Variants in SLC15A5 observed in about 807,000 individuals in gnomAD.
The protein encoded by SLC15A5 is Peptide/histidine transporter ENSP00000340402.
A neutral mutation model predicts 56.1 loss-of-function variants in SLC15A5; 58 were observed. That is an observed-to-expected ratio of 1.03 (90% CI 0.84 to 1.29). The LOEUF is 1.29. Ranked by LOEUF, SLC15A5 falls within the 50% of genes most tolerant of loss-of-function variation. The probability of loss-of-function intolerance (pLI) is 0.00; values close to 1 mark genes in which losing one functional copy is unlikely to be tolerated. For synonymous variants in SLC15A5, 264 were observed against 250.5 expected, an observed-to-expected ratio of 1.05 and a Z score of -0.51; for missense variants, 681 against 672.1, an observed-to-expected ratio of 1.01 and a Z score of -0.15.
At chr12:16,203,456 G>C (rs1863982917) in intron 7 of SLC15A5, among the ~76,000 whole-genome samples, 1 of 151,914 alleles carries the variant, frequency 6.6e-6, no homozygotes, top group Admixed American at 6.6e-5. Flanking sequence ...CCTAATGATA[G>C]GTCCAGTTTC....
At chr12:16,261,181 C>T (rs1185549158) in intron 2 of SLC15A5, among the ~76,000 whole-genome samples, 1 of 152,074 alleles carries the variant, frequency 6.6e-6, no homozygotes, top group East Asian at 1.9e-4. Flanking sequence ...AGATAACAAA[C>T]ATATCCATTG....
chr12:16,230,260 G>T (rs148721048), intron 5 of SLC15A5, among the ~76,000 whole-genome samples: 43 of 152,318 alleles, frequency 2.8e-4, no homozygotes, highest in African/African-American at 1.0e-3. Context: ...AGAGAGGCTA[G>T]TCACTTGGTG....
chr12:16,230,824 G>A (rs950072187), intron 5 of SLC15A5, among the ~76,000 whole-genome samples: 1 of 151,110 alleles, frequency 6.6e-6, no homozygotes, highest in Non-Finnish European at 1.5e-5. Context: ...TCGGGAGGCT[G>A]AGGCAAGAGA....
intron 5 of SLC15A5, among the ~76,000 whole-genome samples, chr12:16,228,345 TA>T (rs1265535668): frequency 6.6e-6 from 1 of 152,182 alleles, no homozygotes; most frequent in East Asian, 1.9e-4. Flanking sequence ...GACAATGAAG[TA>T]AAAGTGCTGA....
chr12:16,256,661 C>T (rs1864575790), intron 3 of SLC15A5, among the ~76,000 whole-genome samples: 2 of 152,194 alleles, frequency 1.3e-5, no homozygotes, highest in African/African-American at 4.8e-5. Context: ...AGATCGAGAC[C>T]ATCCTGGCTA....
intron 1 of SLC15A5, 111 bp downstream of exon 1, chr12:16,277,214 A>G: frequency 1.8e-6 from 2 of 1,096,796 alleles, no homozygotes; most frequent in Admixed American, 3.0e-5. Context: ...TTCTTACTTC[A>G]TTTATCACAT....
At chr12:16,256,630 C>T (rs1373423815) in intron 3 of SLC15A5, among the ~76,000 whole-genome samples, 1 of 152,046 alleles carries the variant, frequency 6.6e-6, no homozygotes, top group Admixed American at 6.6e-5. Context: ...GAGGCTGAGG[C>T]GGACAGATCA....
intron 4 of SLC15A5, among the ~76,000 whole-genome samples, chr12:16,240,190 C>A (rs1440027797): frequency 6.6e-6 from 1 of 152,278 alleles, no homozygotes; most frequent in South Asian, 2.1e-4. Flanking sequence ...AACTTAAATT[C>A]TGTAGATAAG....
In SLC15A5 at chr12:16,219,838, C is replaced by G. The variant is rs76421711; in HGVS notation, c.1352-2814G>C. On this transcript the variant is annotated intron_variant, in intron 6 of 8. Coordinates refer to ENST00000344941, the MANE Select transcript of SLC15A5 (RefSeq NM_001170798.1). ...TAAGTCTGTCACTATTGTAAAGTTC[C>G]CGTTTTTCTATGAAGACACAATAAA... Among the ~76,000 whole-genome samples, 55 of 152,000 alleles carry G rather than the reference C, an allele frequency of 3.6e-4. No individual in the cohort carries two copies. In the East Asian group the frequency reaches 0.01, roughly 29 times the overall value.
intron 7 of SLC15A5, among the ~76,000 whole-genome samples, chr12:16,201,611 A>G (rs1342334581): frequency 6.6e-6 from 1 of 152,074 alleles, no homozygotes; most frequent in East Asian, 1.9e-4. Context: ...TTCTCATGAT[A>G]GTGAGTGAGT....
chr12:16,236,920 A>G (rs1246238770), intron 5 of SLC15A5, among the ~76,000 whole-genome samples: 2 of 152,226 alleles, frequency 1.3e-5, no homozygotes, highest in Non-Finnish European at 2.9e-5. Context: ...TAATAGTAAT[A>G]ATGATAAAGT....
At chr12:16,246,288 T>C (rs1237718635) in intron 3 of SLC15A5, among the ~76,000 whole-genome samples, 1 of 152,166 alleles carries the variant, frequency 6.6e-6, no homozygotes, top group Non-Finnish European at 1.5e-5. Flanking sequence ...GAGGCCAAGA[T>C]TTGTTTCTCT....
chr12:16,259,519 G>A (rs1864618062), intron 2 of SLC15A5, among the ~76,000 whole-genome samples: 2 of 152,110 alleles, frequency 1.3e-5, no homozygotes, highest in Non-Finnish European at 2.9e-5. Flanking sequence ...AATATTGAAG[G>A]TTTGAGAAGA....
intron 2 of SLC15A5, among the ~76,000 whole-genome samples, chr12:16,261,022 G>A (rs1213782319): frequency 1.3e-5 from 2 of 151,486 alleles, no homozygotes; most frequent in African/African-American, 4.9e-5. Context: ...ATACCATACT[G>A]TCTTGGTTAC....
chr12:16,263,279 T>A (rs1864660414), intron 2 of SLC15A5, among the ~76,000 whole-genome samples: 1 of 152,118 alleles, frequency 6.6e-6, no homozygotes, highest in Non-Finnish European at 1.5e-5. Flanking sequence ...TCTTGTTATG[T>A]TTTAGCAGAG....
At chr12:16,205,608 CACAT>C (rs1864011278) in intron 7 of SLC15A5, among the ~76,000 whole-genome samples, 2 of 124,870 alleles carry the variant, frequency 1.6e-5, no homozygotes, top group Non-Finnish European at 3.4e-5. Context: ...CACACACACA[CACAT>C]ATATATACAC....
chr12:16,247,536 G>C (rs1864474113), intron 3 of SLC15A5, among the ~76,000 whole-genome samples: 1 of 152,144 alleles, frequency 6.6e-6, no homozygotes, highest in Non-Finnish European at 1.5e-5. Context: ...AACACAGTGG[G>C]CTGTTATGAT....
At chr12:16,231,824 C>A (rs956990685) in intron 5 of SLC15A5, among the ~76,000 whole-genome samples, 5 of 152,202 alleles carry the variant, frequency 3.3e-5, no homozygotes, top group Admixed American at 6.5e-5. Flanking sequence ...CACAGCCACA[C>A]CTCACCTTCA....
At chr12:16,199,564 G>A (rs1863932073) in intron 7 of SLC15A5, among the ~76,000 whole-genome samples, 1 of 152,064 alleles carries the variant, frequency 6.6e-6, no homozygotes, top group Non-Finnish European at 1.5e-5. Flanking sequence ...TCAGAACCAA[G>A]TACCTCTGCT....
Sources: allele counts gnomAD v4.1 joint callset (sites outside exome capture counted in the v4.1 genomes callset), GRCh38; gene constraint gnomAD v4.1.1; transcripts MANE v1.5; gene names NCBI Gene and HGNC (gene_info 2026-07-23, HGNC 2026-07-21).